MDGA2: variants seen among roughly 807,000 people sequenced by gnomAD.
MDGA2 encodes the protein MAM domain-containing glycosylphosphatidylinositol anchor protein 2.
A neutral mutation model predicts 117.8 loss-of-function variants in MDGA2; 40 were observed. That is an observed-to-expected ratio of 0.34 (90% CI 0.26 to 0.44). The LOEUF is 0.44. MDGA2 is among the 20% of genes least tolerant of loss of function. The pLI, the probability that MDGA2 is intolerant of heterozygous loss-of-function variation, is 1.00. For synonymous variants in MDGA2, 452 were observed against 439.0 expected, an observed-to-expected ratio of 1.03 and a Z score of -0.37; for missense variants, 1,123 against 1,250.6, an observed-to-expected ratio of 0.90 and a Z score of 1.54.
At chr14:47,009,001 T>C (rs988051861) in intron 8 of MDGA2, among the ~76,000 whole-genome samples, 1 of 151,956 alleles carries the variant, frequency 6.6e-6, no homozygotes, top group East Asian at 1.9e-4. Flanking sequence ...CAAGAAAATA[T>C]TCCCATTGCC....
intron 2 of MDGA2, among the ~76,000 whole-genome samples, chr14:47,240,523 C>A (rs1014699288): frequency 1.3e-5 from 2 of 151,690 alleles, no homozygotes; most frequent in African/African-American, 4.8e-5. Flanking sequence ...AAAAATAACA[C>A]CAAATGTGCC....
intron 1 of MDGA2, among the ~76,000 whole-genome samples, chr14:47,504,262 C>T (rs1044209687): frequency 9.3e-4 from 142 of 152,218 alleles, no homozygotes; most frequent in African/African-American, 3.2e-3. Context: ...TCTTTGTATG[C>T]CGTTGTTAAT....
chr14:47,521,489 T>C (rs911184693), intron 1 of MDGA2, among the ~76,000 whole-genome samples: 1 of 152,090 alleles, frequency 6.6e-6, no homozygotes. Flanking sequence ...GTAATTAGGC[T>C]CATTTTATGA....
intron 3 of MDGA2, among the ~76,000 whole-genome samples, chr14:47,206,039 C>T (rs1303714441): frequency 6.6e-6 from 1 of 152,022 alleles, no homozygotes; most frequent in African/African-American, 2.4e-5. Context: ...CTCAGTCTCA[C>T]ATTGAAAATA....
intron 1 of MDGA2, among the ~76,000 whole-genome samples, chr14:47,515,370 G>T (rs1894729628): frequency 1.3e-5 from 2 of 152,280 alleles, no homozygotes; most frequent in Middle Eastern, 6.8e-3. Flanking sequence ...ATATCAAGAT[G>T]TAAAGTTCAC....
chr14:47,202,186 T>G (rs193181888), intron 3 of MDGA2, among the ~76,000 whole-genome samples: 37 of 152,302 alleles, frequency 2.4e-4, no homozygotes, highest in African/African-American at 8.4e-4. Flanking sequence ...ATAATGGGCT[T>G]AACACTTTTG....
At chr14:46,949,828 C>A (rs568582723) in intron 9 of MDGA2, among the ~76,000 whole-genome samples, 1 of 151,874 alleles carries the variant, frequency 6.6e-6, no homozygotes, top group South Asian at 2.1e-4. Flanking sequence ...GTTGAGGTGT[C>A]TTTTTTATAT....
chr14:47,341,229 G>C (rs1890612782), intron 1 of MDGA2, among the ~76,000 whole-genome samples: 1 of 152,218 alleles, frequency 6.6e-6, no homozygotes, highest in African/African-American at 2.4e-5. Context: ...TCACATAATA[G>C]TGTTGGCTGG....
intron 8 of MDGA2, among the ~76,000 whole-genome samples, chr14:47,015,950 G>C (rs143182516): frequency 1.4e-3 from 212 of 152,092 alleles, no homozygotes; most frequent in African/African-American, 4.9e-3. Context: ...AAACCATTTG[G>C]AAGTAGTTAC....
At chr14:47,192,361 A>G (rs142451040) in intron 3 of MDGA2, among the ~76,000 whole-genome samples, 83 of 152,256 alleles carry the variant, frequency 5.5e-4, no homozygotes, top group Non-Finnish European at 9.3e-4. Context: ...CATGCCTGTC[A>G]GCCCAGAACT....
At chr14:47,234,273 A>G (rs1388181552) in intron 2 of MDGA2, among the ~76,000 whole-genome samples, 1 of 151,066 alleles carries the variant, frequency 6.6e-6, no homozygotes, top group African/African-American at 2.4e-5. Context: ...ATATATGTAG[A>G]TATATGTGAA....
At chr14:47,465,263 T>C (rs1171150732) in intron 1 of MDGA2, among the ~76,000 whole-genome samples, 2 of 152,106 alleles carry the variant, frequency 1.3e-5, no homozygotes, top group Non-Finnish European at 1.5e-5. Context: ...ATCCTAGAGA[T>C]AGAAACAGGC....
chr14:46,945,782 A>G (rs781226591), intron 9 of MDGA2, among the ~76,000 whole-genome samples: 1 of 152,066 alleles, frequency 6.6e-6, no homozygotes. Flanking sequence ...GCAGCCTTGC[A>G]CTGTCTGTTT....
chr14:46,885,423 G>A (rs562015668), intron 10 of MDGA2, among the ~76,000 whole-genome samples: 14 of 152,004 alleles, frequency 9.2e-5, no homozygotes, highest in Non-Finnish European at 2.1e-4. Flanking sequence ...ATAACAACAA[G>A]TAATTCATAG....
At chr14:47,627,783 T>A (rs1469015733) in intron 1 of MDGA2, among the ~76,000 whole-genome samples, 1 of 152,118 alleles carries the variant, frequency 6.6e-6, no homozygotes, top group Non-Finnish European at 1.5e-5. Flanking sequence ...GCAATAAATC[T>A]TGCTGCTGCT....
intron 9 of MDGA2, among the ~76,000 whole-genome samples, chr14:46,956,625 T>C (rs1423341340): frequency 6.6e-6 from 1 of 151,196 alleles, no homozygotes; most frequent in African/African-American, 2.4e-5. Flanking sequence ...AGAGCAATTA[T>C]CTATTCACAT....
At chr14:46,997,207 G>A (rs1446249054) in intron 8 of MDGA2, 1 of 157,852 alleles carries the variant, frequency 6.3e-6, no homozygotes, top group Non-Finnish European at 1.4e-5. Flanking sequence ...TTGGGTATTG[G>A]AGATATTTTC....
rs1898162556 is a variant in MDGA2 at position 47,675,305 on chromosome 14, CGGGGA to C, written c.-514_-510del. Among the ~76,000 whole-genome samples the C allele has an allele frequency of 7.6e-6, 1 of 132,084 alleles. No homozygotes were observed. The highest frequency in any genetic ancestry group is 1.6e-5 in the Non-Finnish European group (1 of 63,788). The allele number at this position is 132,084 out of a possible 152,430, so 86.7% of individuals were successfully genotyped here. A position where few individuals can be genotyped will look rare whatever the true frequency, so the allele number is the denominator to read the frequency against. On this transcript the variant is annotated 5_prime_UTR_variant, in exon 1 of 17. Coordinates refer to ENST00000399232, the MANE Select transcript of MDGA2 (RefSeq NM_001113498.3). ...CACGATACAGACTCGCATCGCCGAA[CGGGGA>C]GAGGAGGAAGAGGAGGAGGAGGAAG...
intron 3 of MDGA2, among the ~76,000 whole-genome samples, chr14:47,178,944 G>C (rs1035201073): frequency 1.3e-5 from 2 of 151,980 alleles, no homozygotes; most frequent in African/African-American, 4.8e-5. Context: ...GTATATTCAG[G>C]AAACTGCAAA....
Sources: allele counts gnomAD v4.1 joint callset (sites outside exome capture counted in the v4.1 genomes callset), GRCh38; gene constraint gnomAD v4.1.1; transcripts MANE v1.5; gene names NCBI Gene and HGNC (gene_info 2026-07-23, HGNC 2026-07-21).